The following EFHC2 variants were observed in gnomAD, a reference collection of about 807,000 sequenced individuals.
EFHC2 encodes the protein EF-hand domain containing 2, also known as EF-hand domain-containing family member C2.
A neutral mutation model predicts 52.7 loss-of-function variants in EFHC2; 18 were observed. The ratio of observed to expected loss-of-function variants is 0.34; its 90% CI spans 0.24 to 0.51. EFHC2 has a LOEUF of 0.51. Ranked by LOEUF, EFHC2 falls within the 20% of genes least tolerant of loss-of-function variation. EFHC2 has a pLI of 0.97. For synonymous variants in EFHC2, 203 were observed against 204.1 expected (o/e 0.99, Z 0.04); for missense variants, 513 against 562.5 (o/e 0.91, Z 0.89).
At chrX:44,288,296 G>GA (rs924757158) in intron 2 of EFHC2, among the ~76,000 whole-genome samples, 3 of 109,341 alleles carry the variant, frequency 2.7e-5, no homozygotes, top group Non-Finnish European at 5.7e-5. Context: ...ATTTATTGTA[G>GA]AAAAAAAATC....
At chrX:44,325,590 C>A (rs1303757970) in intron 1 of EFHC2, among the ~76,000 whole-genome samples, 1 of 109,642 alleles carries the variant, frequency 9.1e-6, no homozygotes, top group Non-Finnish European at 1.9e-5. Flanking sequence ...AAGGCCGCTA[C>A]AGAAACCGTA....
At chrX:44,296,821 G>T (rs2037828874) in intron 2 of EFHC2, among the ~76,000 whole-genome samples, 1 of 111,935 alleles carries the variant, frequency 8.9e-6, no homozygotes, top group Non-Finnish European at 1.9e-5. Context: ...CAACATAAAT[G>T]GTGCCCAGAA....
intron 9 of EFHC2, among the ~76,000 whole-genome samples, chrX:44,233,648 G>A (rs569908553): frequency 9.0e-6 from 1 of 111,623 alleles, no homozygotes; most frequent in East Asian, 2.8e-4. Flanking sequence ...TCATTTGTTC[G>A]CTCGCTGGGT....
At chrX:44,276,450 C>T (rs1000753737) in intron 2 of EFHC2, among the ~76,000 whole-genome samples, 2 of 112,114 alleles carry the variant, frequency 1.8e-5, no homozygotes, top group Non-Finnish European at 3.8e-5. Flanking sequence ...AAAGAAAAAA[C>T]TCCTGAAATC....
At position 44,181,171 on chromosome X, in the gene EFHC2, T is replaced by C. The variant is rs142989446; in HGVS notation, c.1752-2607A>G. ...CCATGCTATGTTGATAAATGTAGTA[T>C]GATCCCAGTGAAAAATCAAGATACA... On this transcript the variant is annotated intron_variant, in intron 11 of 14. Coordinates refer to ENST00000420999, the MANE Select transcript of EFHC2 (RefSeq NM_025184.4). Among the ~76,000 whole-genome samples the C allele has an allele frequency of 4.4e-3, 487 of 111,496 alleles. 15 individuals carry two copies. In the East Asian group the frequency reaches 0.11, roughly 24 times the overall value.
chrX:44,300,844 C>T (rs775629768), intron 2 of EFHC2, among the ~76,000 whole-genome samples: 21 of 110,762 alleles, frequency 1.9e-4, no homozygotes, highest in African/African-American at 6.6e-4. Context: ...GGTACAGTGG[C>T]TCACACCTGT....
rs6610904 is a variant in EFHC2, at chrX:44,221,572, A to C, written c.1751+8077T>G. Among the ~76,000 whole-genome samples the C allele has an allele frequency of 4.2e-3, 473 of 111,356 alleles. 14 individuals are homozygous for C. In the East Asian group the frequency reaches 0.1, roughly 24 times the overall value. On this transcript the variant is annotated intron_variant, in intron 11 of 14. Transcript: ENST00000420999. The stretch of plus-strand genomic sequence containing the variant: ...TCTACATTTTAATATTCTTTTCAAC[A>C]TTTTCTTGGATATTCTCAACCCCTT...
Position 44,300,942 on chromosome X carries a change from A to C in EFHC2, c.231+11626T>G, listed in dbSNP as rs996197070. 7.9e-4 allele frequency among the ~76,000 whole-genome samples: 86 copies of C among 108,825 alleles called. 1 individual carries two copies. Among genetic ancestry groups the C allele is most frequent in the Non-Finnish European group, 1.7e-4 (9 of 52,355 alleles). 94.5% of individuals were successfully genotyped at this position (108,825 alleles called of 115,157 possible). ...TGGCCAGCACAGTGAAACCCCATCTACACTAAAAATACACAAAATTAGCCG... is the reference window on the plus strand; with the variant it reads ...TGGCCAGCACAGTGAAACCCCATCTCCACTAAAAATACACAAAATTAGCCG... On this transcript the variant is annotated intron_variant, in intron 2 of 14. Coordinates refer to ENST00000420999, the MANE Select transcript of EFHC2 (RefSeq NM_025184.4).
chrX:44,179,252 A>G (rs1047101950), intron 11 of EFHC2, among the ~76,000 whole-genome samples: 1 of 111,521 alleles, frequency 9.0e-6, no homozygotes, highest in Non-Finnish European at 1.9e-5. Context: ...TTTCAATGTA[A>G]CTCTGTATGA....
intron 11 of EFHC2, among the ~76,000 whole-genome samples, chrX:44,188,087 C>T (rs949706239): frequency 9.2e-6 from 1 of 108,868 alleles, no homozygotes; most frequent in Non-Finnish European, 1.9e-5. Context: ...CCTCCCACCT[C>T]AGCCTCCCGA....
At chrX:44,228,698 T>C (rs1434991090) in intron 11 of EFHC2, among the ~76,000 whole-genome samples, 1 of 111,721 alleles carries the variant, frequency 9.0e-6, no homozygotes, top group Non-Finnish European at 1.9e-5. Flanking sequence ...ACTCTGGGCC[T>C]AATGGTGGGC....
In EFHC2 at chrX:44,235,313, C is replaced by A; in HGVS notation, c.1415G>T (p.Arg472Met). ...DTISVFEPIERNSGIAGGMFL... is the reference protein window; with the variant it reads ...DTISVFEPIEMNSGIAGGMFL... ...AAGAGTATATCTCTTACCTGAATTC[C>A]TCTCTATAGGTTCAAACACTGAAAT... Residue 472 changes from arginine (R) to methionine (M), a missense_variant, in exon 9 of 15, where the codon AGG becomes ATG. Arg to Met is a moderately conservative substitution (Grantham distance 91, BLOSUM62 -1). Transcript: ENST00000420999. 8.6e-7 allele frequency: 1 copy of A among 1,164,403 alleles called. No individual in the cohort carries two copies. The highest frequency in any genetic ancestry group is 1.1e-6 in the Non-Finnish European group (1 of 871,566).
chrX:44,239,985 C>T (rs1304011516), intron 8 of EFHC2, among the ~76,000 whole-genome samples: 1 of 111,821 alleles, frequency 8.9e-6, no homozygotes, highest in Admixed American at 9.5e-5. Context: ...CTATTCCCTC[C>T]AATGACTCAT....
chrX:44,148,745 T>C lies in EFHC2; in HGVS notation c.*50A>G. 2.0e-6 allele frequency: 2 copies of C among 1,014,799 alleles called. No individual in the cohort carries two copies. The highest frequency in any genetic ancestry group is 4.5e-5 in the South Asian group (2 of 44,112). 83.6% of individuals were successfully genotyped at this position (1,014,799 alleles called of 1,213,427 possible). ...GAAATTATATCTACTAAAGTAAATG[T>C]GGCAAAATGAGAGAAGTAAATCATA... is the stretch of plus-strand genomic sequence containing the variant. On this transcript the variant is annotated 3_prime_UTR_variant, in exon 15 of 15. Transcript: ENST00000420999.
chrX:44,331,776 T>C (rs2038088004), intron 1 of EFHC2, among the ~76,000 whole-genome samples: 1 of 110,625 alleles, frequency 9.0e-6, no homozygotes, highest in Non-Finnish European at 1.9e-5. Context: ...TTTTAAAAAT[T>C]AGCCAGGTGT....
intron 11 of EFHC2, among the ~76,000 whole-genome samples, chrX:44,184,211 A>T (rs2036856215): frequency 1.8e-5 from 2 of 111,479 alleles, no homozygotes; most frequent in Admixed American, 1.9e-4. Flanking sequence ...CTAGGAATTC[A>T]TCCTCTACAA....
chrX:44,169,051 G>A (rs780534946), intron 13 of EFHC2, among the ~76,000 whole-genome samples: 4 of 111,084 alleles, frequency 3.6e-5, no homozygotes, highest in African/African-American at 1.3e-4. Context: ...TGAGATATGA[G>A]GATGTATTAC....
chrX:44,272,803 C>G lies in EFHC2; in HGVS notation c.265G>C (p.Val89Leu), dbSNP rs2037626872. The change falls in exon 3 of 15, where the codon GTA becomes CTA. Residue 89 changes from valine (V) to leucine (L), a missense_variant. Physicochemically the swap from Val to Leu is conservative, Grantham distance 32. Coordinates refer to ENST00000420999, the MANE Select transcript of EFHC2 (RefSeq NM_025184.4). ...LSFDAYLEEE[V>L]LDKSQTNYRI... ...TAGTTGGTTTGGCTTTTATCAAGTA[C>G]TTCCTCTTCCAAATAGGCATCAAAA... 2 of 1,162,270 alleles carry G rather than the reference C, an allele frequency of 1.7e-6. No homozygotes were observed. Among genetic ancestry groups the G allele is most frequent in the Admixed American group, 2.6e-5 (1 of 38,580 alleles).
At chrX:44,177,035 T>G (rs771536673) in intron 12 of EFHC2, among the ~76,000 whole-genome samples, 23 of 112,221 alleles carry the variant, frequency 2.0e-4, no homozygotes, top group Non-Finnish European at 3.2e-4. Context: ...TTCTTTGCAA[T>G]GAGAATGTTT....
Sources: allele counts gnomAD v4.1 joint callset (sites outside exome capture counted in the v4.1 genomes callset), GRCh38; gene constraint gnomAD v4.1.1; transcripts MANE v1.5; gene names NCBI Gene and HGNC (gene_info 2026-07-23, HGNC 2026-07-21).